TNS1: variants seen among roughly 807,000 people sequenced by gnomAD.
TNS1 encodes tensin-1.
TNS1 carries 62 observed loss-of-function variants against 168.6 expected under a neutral mutation model. The observed-to-expected ratio is 0.37, with a 90% CI of 0.30 to 0.45. The LOEUF (loss-of-function observed/expected upper bound fraction) is 0.45, where lower values mean the gene tolerates loss of function less well. Ranked by LOEUF, TNS1 falls within the 20% of genes least tolerant of loss-of-function variation. The pLI is 1.00. For missense variants in TNS1, 2,240 were observed against 2,339.4 expected (o/e 0.96, Z 0.88); for synonymous variants, 934 against 933.2 (o/e 1.00, Z -0.02).
rs1198023265 is a variant in TNS1 at position 218,030,597 on chromosome 2, C to T, written c.156+3223G>A. Reference sequence around the variant, plus strand: ...TAAATGAATGGCCAAGCGCATCTGGCTTACAGGCAGCCTCTGGGGAAAGCA... The same window carrying T: ...TAAATGAATGGCCAAGCGCATCTGGTTTACAGGCAGCCTCTGGGGAAAGCA... On this transcript the variant is annotated intron_variant, in intron 1 of 1. Coordinates refer to the TNS1 transcript ENST00000649572. 2.6e-5 allele frequency among the ~76,000 whole-genome samples: 4 copies of T among 152,242 alleles called. No homozygotes were observed. In the East Asian group the frequency reaches 5.8e-4, roughly 22 times the overall value.
chr2:217,882,138 G>T (rs1950740894), intron 17 of TNS1: 1 of 492,320 alleles, frequency 2.0e-6, no homozygotes. Context: ...GTGCCTCTCT[G>T]TCTGCTTTTT....
At chr2:217,874,105 C>A (rs924709575) in intron 18 of TNS1, among the ~76,000 whole-genome samples, 1 of 150,272 alleles carries the variant, frequency 6.7e-6, no homozygotes, top group Non-Finnish European at 1.5e-5. Context: ...TTCACCAGCA[C>A]TGGGCGTATT....
intron 1 of TNS1, among the ~76,000 whole-genome samples, chr2:218,031,471 GTA>G (rs1424049304): frequency 2.6e-5 from 4 of 151,022 alleles, no homozygotes; most frequent in East Asian, 3.9e-4. Flanking sequence ...GTGTGTGAGT[GTA>G]TGAGTGTGTG....
chr2:217,827,173 A>G (rs1419689302), intron 22 of TNS1, among the ~76,000 whole-genome samples: 1 of 152,138 alleles, frequency 6.6e-6, no homozygotes, highest in Non-Finnish European at 1.5e-5. Flanking sequence ...ACATCCTTAT[A>G]TTCCCAAAGC....
intron 3 of TNS1, among the ~76,000 whole-genome samples, chr2:217,970,828 T>C (rs1957757996): frequency 6.6e-6 from 1 of 151,824 alleles, no homozygotes; most frequent in African/African-American, 2.4e-5. Context: ...TCTGTGATGA[T>C]ACAAAAAAAA....
chr2:217,986,547 T>C lies in TNS1; in HGVS notation c.148+4395A>G, dbSNP rs1958197064. Among the ~76,000 whole-genome samples, 1 of 152,138 alleles carries C rather than the reference T, an allele frequency of 6.6e-6. No individual in the cohort carries two copies. Among genetic ancestry groups the C allele is most frequent in the Admixed American group, 6.5e-5 (1 of 15,274 alleles). The stretch of plus-strand genomic sequence containing the variant: ...CCTTGAGCAAAGCTCTGAGTCCACA[T>C]AGCCTCCCTCTGGGGCCTCCTGTGC... On this transcript the variant is annotated intron_variant, in intron 2 of 32. Transcript: ENST00000682258. The surrounding 1 kb of genome is among the most constrained non-coding windows in gnomAD (Gnocchi z 4.7).
Position 217,880,566 on chromosome 2 carries a change from C to T in TNS1, c.1429+332G>A, listed in dbSNP as rs1053379623. Among the ~76,000 whole-genome samples the T allele has an allele frequency of 9.2e-5, 14 of 152,164 alleles. No individual in the cohort carries two copies. Among genetic ancestry groups the T allele is most frequent in the Admixed American group, 2.0e-4 (3 of 15,284 alleles). ...AGGCCACATCCTCCAAGGAGCCTTC[C>T]CAGATCACTCCAGCTCTCAAAATCC... On this transcript the variant is annotated intron_variant, in intron 18 of 32. Transcript: ENST00000682258. This position sits in a 1 kb window ranked among gnomAD's most constrained non-coding sequence, Gnocchi z 4.2.
At chr2:217,805,576 A>C (rs1574523677) in intron 32 of TNS1, among the ~76,000 whole-genome samples, 2 of 20,896 alleles carry the variant, frequency 9.6e-5, no homozygotes, top group African/African-American at 1.7e-4. Flanking sequence ...CACACACACC[A>C]CACACACAAC....
upstream of TNS1, among the ~76,000 whole-genome samples, chr2:218,013,532 T>G (rs1377099880): frequency 6.6e-6 from 1 of 152,110 alleles, no homozygotes; most frequent in African/African-American, 2.4e-5. Flanking sequence ...GGCCCCCAGC[T>G]CCTCGCATCT....
intron 1 of TNS1, among the ~76,000 whole-genome samples, chr2:218,026,853 C>A (rs1158705510): frequency 6.6e-6 from 1 of 152,252 alleles, no homozygotes; most frequent in East Asian, 1.9e-4. Flanking sequence ...CCTTGCCCAT[C>A]CCCCATGGGA....
intron 18 of TNS1, among the ~76,000 whole-genome samples, chr2:217,868,936 C>T (rs1360295134): frequency 6.6e-6 from 1 of 152,212 alleles, no homozygotes; most frequent in Non-Finnish European, 1.5e-5. Flanking sequence ...AGCTCAGTGA[C>T]TCTGGTAGGA....
At chr2:217,808,516 C>A in intron 31 of TNS1, 87 bp downstream of exon 31, 2 of 1,270,470 alleles carry the variant, frequency 1.6e-6, no homozygotes, top group Non-Finnish European at 2.3e-6. Context: ...TGCACACACA[C>A]ACACACACAC....
intron 3 of TNS1, among the ~76,000 whole-genome samples, chr2:217,960,905 G>A (rs144977394): frequency 1.2e-3 from 187 of 152,194 alleles, no homozygotes; most frequent in Non-Finnish European, 2.2e-3. Flanking sequence ...ACTGAATCAC[G>A]AACCACTCTG....
rs1476661290 is a variant in TNS1, at chr2:217,836,185, C to T, written c.3034G>A (p.Ala1012Thr). 8.1e-6 allele frequency: 13 copies of T among 1,612,356 alleles called. No homozygotes were observed. The South Asian group carries it at 9.9e-5, about 12-fold the overall frequency. Residue 1012 changes from alanine (A) to threonine (T), a missense_variant, in exon 20 of 33, where the codon GCA becomes ACA. By Grantham distance (58) the Ala-to-Thr change is moderately conservative (BLOSUM62 0). Coordinates refer to ENST00000682258, the MANE Select transcript of TNS1 (RefSeq NM_001387777.1). ...CTCCGCAGAGGGGCTGGGGGCTCTGCAGGCTGCTTCTCCCGAGCCTGTACC... is the reference window on the plus strand; with the variant it reads ...CTCCGCAGAGGGGCTGGGGGCTCTGTAGGCTGCTTCTCCCGAGCCTGTACC... Reference protein sequence around the residue: ...AGVQAREKQPAEPPAPLRRRA... With the variant: ...AGVQAREKQPTEPPAPLRRRA...
At chr2:217,851,433 A>G (rs977095919) in intron 18 of TNS1, among the ~76,000 whole-genome samples, 1 of 138,062 alleles carries the variant, frequency 7.2e-6, no homozygotes, top group African/African-American at 2.8e-5. Flanking sequence ...AGGCACTTGC[A>G]TCCCTCTACA....
At chr2:217,840,197 T>C (rs1252036842) in intron 19 of TNS1, among the ~76,000 whole-genome samples, 1 of 152,188 alleles carries the variant, frequency 6.6e-6, no homozygotes, top group Non-Finnish European at 1.5e-5. Flanking sequence ...CTGGAGCTGC[T>C]CAGGGGCATG....
chr2:218,018,603 A>G (rs746175791), intron 1 of TNS1, among the ~76,000 whole-genome samples: 6 of 152,316 alleles, frequency 3.9e-5, no homozygotes, highest in East Asian at 1.9e-4. Flanking sequence ...TGGGCCACTC[A>G]GATTGTCCCC....
At chr2:218,007,168 C>G (rs1958665591), upstream of TNS1, among the ~76,000 whole-genome samples, 1 of 151,556 alleles carries the variant, frequency 6.6e-6, no homozygotes, top group African/African-American at 2.4e-5. Context: ...AAGATCCCAA[C>G]AGCACGAGAC....
chr2:218,002,990 G>C lies in TNS1; in HGVS notation c.-118C>G. 1 of 452,646 alleles carries C rather than the reference G, an allele frequency of 2.2e-6. No homozygotes were observed. Among genetic ancestry groups the C allele is most frequent in the Non-Finnish European group, 4.4e-6 (1 of 225,412 alleles). The allele number at this position is 452,646 out of a possible 1,614,324, so 28.0% of individuals were successfully genotyped here. On this transcript the variant is annotated 5_prime_UTR_variant, in exon 1 of 33. Transcript: ENST00000682258. The stretch of plus-strand genomic sequence containing the variant: ...GTCCGCGGCTGCTCCGGCTCCGCCA[G>C]CATCTGCTGGGCCTCTCGCCCTGCT...
Sources: allele counts gnomAD v4.1 joint callset (sites outside exome capture counted in the v4.1 genomes callset), GRCh38; gene constraint gnomAD v4.1.1; non-coding constraint Gnocchi (gnomAD v3.1); transcripts MANE v1.5; gene names NCBI Gene and HGNC (gene_info 2026-07-23, HGNC 2026-07-21).